Variants in TAF3 observed in about 807,000 individuals in gnomAD.
The protein encoded by TAF3 is transcription initiation factor TFIID subunit 3.
A neutral mutation model predicts 80.6 loss-of-function variants in TAF3; 7 were observed. The ratio of observed to expected loss-of-function variants is 0.09; its 90% CI spans 0.05 to 0.16. TAF3 has a LOEUF of 0.16. Among genes scored for constraint, TAF3 ranks in the 10% least tolerant of loss-of-function variants. The pLI, the probability that TAF3 is intolerant of heterozygous loss-of-function variation, is 1.00. For synonymous variants in TAF3, 444 were observed against 446.1 expected (o/e 1.00, Z 0.06); for missense variants, 921 against 1,140.2 (o/e 0.81, Z 2.77).
chr10:8,010,445 G>A (rs995985763), intron 5 of TAF3, among the ~76,000 whole-genome samples: 3 of 152,158 alleles, frequency 2.0e-5, no homozygotes, highest in African/African-American at 7.2e-5. Context: ...ATTCACTTAA[G>A]AGTATAATTT....
intron 2 of TAF3, among the ~76,000 whole-genome samples, chr10:7,903,787 T>C (rs762165194): frequency 1.2e-4 from 18 of 152,282 alleles, no homozygotes; most frequent in African/African-American, 2.4e-4. Context: ...TTAAGAAATA[T>C]GTATTATTTT....
At chr10:7,970,866 T>C (rs1481270605) in intron 3 of TAF3, among the ~76,000 whole-genome samples, 1 of 152,242 alleles carries the variant, frequency 6.6e-6, no homozygotes, top group Non-Finnish European at 1.5e-5. Context: ...TTTCATCCTT[T>C]TCCTCTTTTG....
chr10:7,869,368 C>A (rs1837244571), intron 2 of TAF3, among the ~76,000 whole-genome samples: 1 of 151,954 alleles, frequency 6.6e-6, no homozygotes, highest in African/African-American at 2.4e-5. Flanking sequence ...ATTTCTTTTT[C>A]CAAAATGAGA....
At chr10:8,008,187 C>T (rs1017955215) in intron 4 of TAF3, among the ~76,000 whole-genome samples, 1 of 150,070 alleles carries the variant, frequency 6.7e-6, no homozygotes. Flanking sequence ...ACCTCTGCCT[C>T]CTGGGTTCAA....
chr10:7,946,037 C>T (rs753651493), intron 2 of TAF3, among the ~76,000 whole-genome samples: 1 of 152,314 alleles, frequency 6.6e-6, no homozygotes, highest in African/African-American at 2.4e-5. Flanking sequence ...CCTGACTGTC[C>T]TCCTGCCTTG....
chr10:7,845,279 AT>A (rs1487993501), intron 2 of TAF3, among the ~76,000 whole-genome samples: 1 of 149,570 alleles, frequency 6.7e-6, no homozygotes, highest in Non-Finnish European at 1.5e-5. Flanking sequence ...AACTGCTGTT[AT>A]TTTTTTGACG....
chr10:7,943,700 T>G (rs2131398243), intron 2 of TAF3, among the ~76,000 whole-genome samples: 1 of 152,358 alleles, frequency 6.6e-6, no homozygotes, highest in Non-Finnish European at 1.5e-5. Flanking sequence ...TTTTCACTTC[T>G]GTACCAACCA....
At chr10:7,927,200 TG>T (rs1837824525) in intron 2 of TAF3, among the ~76,000 whole-genome samples, 1 of 152,220 alleles carries the variant, frequency 6.6e-6, no homozygotes, top group South Asian at 2.1e-4. Context: ...TAATTTCAAA[TG>T]GTTTTGAGTC....
chr10:7,818,975 C>T, intron 1 of TAF3, 100 bp downstream of exon 1: 1 of 1,186,398 alleles, frequency 8.4e-7, no homozygotes, highest in Non-Finnish European at 1.1e-6. Context: ...GCATCCCGCA[C>T]CCCGCCTCGA....
chr10:7,958,059 G>A (rs967858557), intron 2 of TAF3, among the ~76,000 whole-genome samples: 11 of 152,114 alleles, frequency 7.2e-5, no homozygotes, highest in Admixed American at 4.6e-4. Context: ...CAGATTATTA[G>A]TAAATGATGA....
chr10:7,824,667 A>G, intron 2 of TAF3, 107 bp downstream of exon 2: 1 of 1,346,910 alleles, frequency 7.4e-7, no homozygotes, highest in South Asian at 1.4e-5. Flanking sequence ...AACACAATAG[A>G]AACATTTACT....
rs1485182446 is a variant in TAF3 at position 7,831,384 on chromosome 10, C to T, written c.409+6824C>T. 3.3e-5 allele frequency among the ~76,000 whole-genome samples: 5 copies of T among 151,992 alleles called. 1 individual carries two copies. In the East Asian group the frequency reaches 5.8e-4, roughly 18 times the overall value. Reference sequence around the variant, plus strand: ...TTTTTGAGATGGAGTCTCACTCCATCGCCGAGGCTGGAGTGCAGTGGCTCA... The same window carrying T: ...TTTTTGAGATGGAGTCTCACTCCATTGCCGAGGCTGGAGTGCAGTGGCTCA... On this transcript the variant is annotated intron_variant, in intron 2 of 6. Transcript: ENST00000344293.
chr10:7,989,369 C>T (rs1831811529), intron 4 of TAF3, among the ~76,000 whole-genome samples: 1 of 152,106 alleles, frequency 6.6e-6, no homozygotes, highest in Non-Finnish European at 1.5e-5. Context: ...CCAGCAGATG[C>T]CCTGAGCCTA....
rs570548474 is a variant in TAF3 at position 7,923,649 on chromosome 10, A to G, written c.410-40271A>G. Among the ~76,000 whole-genome samples, 18 of 151,786 alleles carry G rather than the reference A, an allele frequency of 1.2e-4. No homozygotes were observed. In the South Asian group the frequency reaches 3.7e-3, roughly 31 times the overall value. On this transcript the variant is annotated intron_variant, in intron 2 of 6. Coordinates refer to ENST00000344293, the MANE Select transcript of TAF3 (RefSeq NM_031923.4). ...ACAGTTGCTTTGGTTTTCATCCTGT[A>G]TTCAATAGAGTAGCGGATACCTGAT...
intron 4 of TAF3, among the ~76,000 whole-genome samples, chr10:8,008,147 A>G (rs1832015321): frequency 6.9e-6 from 1 of 144,220 alleles, no homozygotes; most frequent in Non-Finnish European, 1.5e-5. Context: ...CCCAAGCTAG[A>G]GTGCAGTGGC....
rs977752204 is a variant in TAF3 at position 7,881,565 on chromosome 10, G to GT, written c.409+57011dup. Among the ~76,000 whole-genome samples the GT allele has an allele frequency of 2.0e-5, 3 of 151,834 alleles. No homozygotes were observed. In the East Asian group the frequency reaches 5.8e-4, roughly 29 times the overall value. ...TAGCAATGAAGCTGGAACGTAATAA[G>GT]TTTTTTATATCAAATAGGTATATGT... On this transcript the variant is annotated intron_variant, in intron 2 of 6. Transcript: ENST00000344293.
At chr10:7,841,557 C>T (rs1230010636) in intron 2 of TAF3, among the ~76,000 whole-genome samples, 1 of 152,140 alleles carries the variant, frequency 6.6e-6, no homozygotes, top group Non-Finnish European at 1.5e-5. Flanking sequence ...AGGATGATTT[C>T]ATTATAAATT....
intron 2 of TAF3, among the ~76,000 whole-genome samples, chr10:7,919,524 G>A (rs950595488): frequency 3.3e-5 from 5 of 152,136 alleles, no homozygotes; most frequent in African/African-American, 1.2e-4. Context: ...TGCATACAGA[G>A]CACCAGTGGG....
chr10:7,977,177 A>G, intron 3 of TAF3, 64 bp from the exon 4 acceptor site: 1 of 1,468,620 alleles, frequency 6.8e-7, no homozygotes, highest in Non-Finnish European at 9.5e-7. Flanking sequence ...GGAGAGTAGG[A>G]GAAGTGGTAG....
Sources: gnomAD v4.1 joint callset for allele counts (sites outside exome capture counted in the v4.1 genomes callset) on GRCh38, gnomAD v4.1.1 for gene constraint, MANE v1.5 for transcripts, NCBI Gene and HGNC (gene_info 2026-07-23, HGNC 2026-07-21) for gene names.